The following OPA3 variants were observed in gnomAD, a reference collection of about 807,000 sequenced individuals.
OPA3 encodes the protein optic atrophy 3 protein.
Under a neutral mutation model 4.0 loss-of-function variants are expected in OPA3, and 6 were observed. That is an observed-to-expected ratio of 1.51 (90% CI 0.83 to 2.99). The LOEUF (loss-of-function observed/expected upper bound fraction) is 2.99. Among genes scored for constraint, OPA3 ranks in the 30% most tolerant of loss-of-function variants. The pLI, the probability that OPA3 is intolerant of heterozygous loss-of-function variation, is 0.00. For missense variants in OPA3, 235 were observed against 256.2 expected (o/e 0.92, Z 0.56); for synonymous variants, 105 against 117.1 (o/e 0.90, Z 0.67).
At chr19:45,561,082 C>T (rs1969494999) in intron 1 of OPA3, among the ~76,000 whole-genome samples, 1 of 152,140 alleles carries the variant, frequency 6.6e-6, no homozygotes, top group East Asian at 1.9e-4. Flanking sequence ...GCCTGTAATC[C>T]CAGCACTTTG....
chr19:45,529,075 G>A, exon 2 of OPA3: 1 of 1,599,088 alleles, frequency 6.3e-7, no homozygotes, highest in South Asian at 1.1e-5. Flanking sequence ...GGACGCCGGC[G>A]CAACTGGGGG....
At position 45,553,626 on chromosome 19, in the gene OPA3, G is replaced by A. The variant is rs553598004; in HGVS notation, c.428C>T (p.Ala143Val). 22 of 1,606,872 alleles carry A rather than the reference G, an allele frequency of 1.4e-5. No homozygotes were observed. The African/African-American group carries it at 2.7e-4, about 19-fold the overall frequency. ...LEALQAQVQA[A>V]PPQGALEELR... is the part of the protein sequence containing the mutation. ...TTCCTCCAGGGCGCCCTGTGGCGGCGCCGCCTGCACCTGCGCCTGCAGCGC... is the reference window on the plus strand; with the variant it reads ...TTCCTCCAGGGCGCCCTGTGGCGGCACCGCCTGCACCTGCGCCTGCAGCGC... Residue 143 changes from alanine to valine, a missense_variant, in exon 2 of 2, where the codon GCG becomes GTG. Transcript: ENST00000263275.
intron 1 of OPA3, among the ~76,000 whole-genome samples, chr19:45,535,127 CA>C (rs1217091230): frequency 6.6e-6 from 1 of 152,154 alleles, no homozygotes; most frequent in African/African-American, 2.4e-5. Context: ...CCTGTCAATG[CA>C]ATCCATGAAC....
chr19:45,528,987 G>C (rs909845901), exon 2 of OPA3: 6 of 1,528,004 alleles, frequency 3.9e-6, no homozygotes. Context: ...ACAGTGCGGA[G>C]AATAGGCCAA....
At position 45,549,458 on chromosome 19, in the gene OPA3, C is replaced by T. The variant is rs1022788544; in HGVS notation, c.*4056G>A. 6 of 984,802 alleles carry T rather than the reference C, an allele frequency of 6.1e-6. No individual in the cohort carries two copies. Among genetic ancestry groups the T allele is most frequent in the Non-Finnish European group, 7.2e-6 (6 of 829,960 alleles). 61.0% of individuals were successfully genotyped at this position (984,802 alleles called of 1,614,324 possible). ...ACAGCGCTGGGGTCAGGAATTGGAG[C>T]TCCTGCCTGTGTTCACACTCCCACC... On this transcript the variant is annotated 3_prime_UTR_variant, in exon 2 of 2. Transcript: ENST00000263275.
At position 45,529,458 on chromosome 19, in the gene OPA3, T is replaced by C; in HGVS notation, c.143-2A>G. 6.2e-7 allele frequency: 1 copy of C among 1,613,314 alleles called. No individual in the cohort carries two copies. The highest frequency in any genetic ancestry group is 8.5e-7 in the Non-Finnish European group (1 of 1,179,730). On this transcript the variant is annotated splice_acceptor_variant, in intron 1 of 1. Coordinates refer to the OPA3 transcript ENST00000323060. LOFTEE classifies it high-confidence loss of function. Reference sequence around the variant, plus strand: ...TCCGCATCTCCAGCCAGTGGTACACTGCAGGAAAAGACAGGAGTCAGGGGT... The same window carrying C: ...TCCGCATCTCCAGCCAGTGGTACACCGCAGGAAAAGACAGGAGTCAGGGGT...
chr19:45,545,366 CAA>C (rs1969237530), downstream of OPA3, among the ~76,000 whole-genome samples: 1 of 151,668 alleles, frequency 6.6e-6, no homozygotes, highest in African/African-American at 2.4e-5. Context: ...CCCATCTCTA[CAA>C]AAAATTAAGA....
intron 1 of OPA3, among the ~76,000 whole-genome samples, chr19:45,575,412 C>G (rs1189491242): frequency 1.3e-5 from 2 of 152,030 alleles, no homozygotes; most frequent in Non-Finnish European, 1.5e-5. Flanking sequence ...CGGTAAGCCA[C>G]CAAGCTTTGG....
At chr19:45,580,907 C>T (rs925940017) in intron 1 of OPA3, among the ~76,000 whole-genome samples, 6 of 152,236 alleles carry the variant, frequency 3.9e-5, no homozygotes, top group East Asian at 1.9e-4. Flanking sequence ...TGAGCCACTG[C>T]GCCCAGCTCC....
chr19:45,541,807 C>G (rs916957757), downstream of OPA3, among the ~76,000 whole-genome samples: 6 of 152,176 alleles, frequency 3.9e-5, no homozygotes, highest in African/African-American at 1.4e-4. Context: ...TCAAGCGATC[C>G]TCCCACCTTG....
At chr19:45,582,171 T>TTTTA (rs1568412686) in intron 1 of OPA3, among the ~76,000 whole-genome samples, 1 of 151,594 alleles carries the variant, frequency 6.6e-6, no homozygotes, top group African/African-American at 2.4e-5. Context: ...ATTTTATTTT[T>TTTTA]TTTTTTTGAG....
chr19:45,539,047 G>T (rs1969153416), intron 1 of OPA3, among the ~76,000 whole-genome samples: 1 of 152,044 alleles, frequency 6.6e-6, no homozygotes. Context: ...GAAGTGAAAG[G>T]GCAGGAAAAA....
In OPA3 at chr19:45,553,668, A is replaced by AGGT. The variant is rs774167136; in HGVS notation, c.383_385dup (p.His128dup). On this transcript the variant is annotated inframe_insertion, in exon 2 of 2. Transcript: ENST00000263275. ...CTGCAGCGCTTCCAGCGCCAGCGCC[A>AGGT]GGTGGCCCACCTCGTCCCGCAGCGC... 5 of 1,605,220 alleles carry AGGT rather than the reference A, an allele frequency of 3.1e-6. No homozygotes were observed. The South Asian group carries it at 5.5e-5, about 18-fold the overall frequency.
At chr19:45,529,211 C>G (rs1969030420) in exon 2 of OPA3, 1 of 1,612,108 alleles carries the variant, frequency 6.2e-7, no homozygotes, top group Admixed American at 1.7e-5. Context: ...AGCGCCAGCC[C>G]CAAGTGGCCC....
chr19:45,529,741 C>CT (rs1029205466), intron 1 of OPA3, among the ~76,000 whole-genome samples: 2 of 151,670 alleles, frequency 1.3e-5, no homozygotes, highest in African/African-American at 4.8e-5. Context: ...TTTAATTTTT[C>CT]TTTTTTTGAG....
intron 1 of OPA3, among the ~76,000 whole-genome samples, chr19:45,562,412 C>A (rs1412796745): frequency 2.0e-5 from 3 of 150,406 alleles, no homozygotes; most frequent in African/African-American, 7.3e-5. Context: ...CATGATAGGC[C>A]GGGGGCGGTG....
chr19:45,543,720 G>C (rs1241742693), downstream of OPA3, among the ~76,000 whole-genome samples: 1 of 152,168 alleles, frequency 6.6e-6, no homozygotes, highest in African/African-American at 2.4e-5. Context: ...TCCCGCCTCA[G>C]CCTCCCAAAG....
chr19:45,565,767 G>A (rs1034417961), intron 1 of OPA3, among the ~76,000 whole-genome samples: 10 of 151,770 alleles, frequency 6.6e-5, no homozygotes, highest in African/African-American at 2.4e-4. Context: ...TTATAGCCAT[G>A]AGCCACCGCG....
intron 1 of OPA3, among the ~76,000 whole-genome samples, chr19:45,570,701 A>G (rs369593450): frequency 6.6e-6 from 1 of 151,532 alleles, no homozygotes. Context: ...AAAAAAACAA[A>G]AACAAAACAA....
Sources: gnomAD v4.1 joint callset for allele counts (sites outside exome capture counted in the v4.1 genomes callset) on GRCh38, gnomAD v4.1.1 for gene constraint, MANE v1.5 for transcripts, NCBI Gene and HGNC (gene_info 2026-07-23, HGNC 2026-07-21) for gene names.